The following PLD1 variants were observed in gnomAD, a reference collection of about 807,000 sequenced individuals.
PLD1 encodes the protein phospholipase D1.
Under a neutral mutation model 137.1 loss-of-function variants are expected in PLD1, and 112 were observed. The ratio of observed to expected loss-of-function variants is 0.82; its 90% CI spans 0.70 to 0.96. The LOEUF (loss-of-function observed/expected upper bound fraction) is 0.96, where lower values mean the gene tolerates loss of function less well. PLD1 is among the 40% of genes least tolerant of loss of function. The probability of loss-of-function intolerance (pLI) is 0.00; values close to 1 mark genes in which losing one functional copy is unlikely to be tolerated. For missense variants in PLD1, 1,321 were observed against 1,342.0 expected, an observed-to-expected ratio of 0.98 and a Z score of 0.24; for synonymous variants, 431 against 454.7, an observed-to-expected ratio of 0.95 and a Z score of 0.66.
At chr3:171,684,326 A>G (rs139620923) in intron 16 of PLD1, among the ~76,000 whole-genome samples, 214 of 152,330 alleles carry the variant, frequency 1.4e-3, no homozygotes, top group African/African-American at 5.0e-3. Flanking sequence ...GTAATAAAGC[A>G]GCAAAGTTAC....
At chr3:171,628,249 T>C (rs771494291) in intron 23 of PLD1, among the ~76,000 whole-genome samples, 1 of 152,124 alleles carries the variant, frequency 6.6e-6, no homozygotes, top group Non-Finnish European at 1.5e-5. Flanking sequence ...GCAAATAAAC[T>C]AGAAAATCTA....
intron 1 of PLD1, among the ~76,000 whole-genome samples, chr3:171,807,825 A>G (rs1171607862): frequency 1.3e-5 from 2 of 152,254 alleles, no homozygotes; most frequent in Non-Finnish European, 2.9e-5. Flanking sequence ...GTCAGCCTAG[A>G]TGCCCATCAA....
At chr3:171,634,864 C>T (rs1334881583) in intron 23 of PLD1, among the ~76,000 whole-genome samples, 1 of 152,054 alleles carries the variant, frequency 6.6e-6, no homozygotes, top group East Asian at 1.9e-4. Context: ...ACAACCATCA[C>T]CACCACCTAA....
intron 1 of PLD1, among the ~76,000 whole-genome samples, chr3:171,744,036 A>C (rs1226683713): frequency 6.6e-6 from 1 of 152,234 alleles, no homozygotes; most frequent in African/African-American, 2.4e-5. Flanking sequence ...AAAGCCCCTG[A>C]GAGGCGTGTA....
At chr3:171,693,418 C>T (rs1384054930) in intron 12 of PLD1, among the ~76,000 whole-genome samples, 3 of 152,124 alleles carry the variant, frequency 2.0e-5, no homozygotes, top group Non-Finnish European at 4.4e-5. Context: ...GACAGGCTTT[C>T]AGGCTAGGCT....
At chr3:171,727,518 C>G (rs1718614276) in intron 6 of PLD1, among the ~76,000 whole-genome samples, 1 of 152,172 alleles carries the variant, frequency 6.6e-6, no homozygotes, top group African/African-American at 2.4e-5. Context: ...AGATCAGTTC[C>G]TTAGGCCATG....
chr3:171,614,279 A>C (rs1207233081), intron 24 of PLD1, among the ~76,000 whole-genome samples: 2 of 152,184 alleles, frequency 1.3e-5, no homozygotes, highest in Non-Finnish European at 2.9e-5. Flanking sequence ...TTAGCACCAA[A>C]TCATCCTTTA....
chr3:171,762,260 T>C (rs773356489), intron 1 of PLD1, among the ~76,000 whole-genome samples: 6 of 152,248 alleles, frequency 3.9e-5, no homozygotes, highest in Non-Finnish European at 2.9e-5. Context: ...CATAGGCTTT[T>C]TGGTCATCTT....
chr3:171,703,622 G>A (rs1218726852), intron 11 of PLD1, among the ~76,000 whole-genome samples: 2 of 152,006 alleles, frequency 1.3e-5, no homozygotes, highest in Non-Finnish European at 2.9e-5. Context: ...AATATGTAAA[G>A]ACCTATACAT....
intron 22 of PLD1, among the ~76,000 whole-genome samples, chr3:171,643,528 T>C (rs1435317257): frequency 1.3e-5 from 2 of 152,108 alleles, no homozygotes; most frequent in Non-Finnish European, 2.9e-5. Flanking sequence ...TTAAAGATGA[T>C]GCCAGCAAAT....
chr3:171,728,187 G>A (rs1311305000), intron 6 of PLD1, among the ~76,000 whole-genome samples: 2 of 152,110 alleles, frequency 1.3e-5, no homozygotes, highest in African/African-American at 4.8e-5. Flanking sequence ...GTGCATGCCC[G>A]TAATCCCAGC....
At chr3:171,748,941 C>G (rs987488312) in intron 1 of PLD1, among the ~76,000 whole-genome samples, 1 of 151,148 alleles carries the variant, frequency 6.6e-6, no homozygotes, top group Non-Finnish European at 1.5e-5. Flanking sequence ...TGAATCATGT[C>G]CCCCCTAAGC....
rs553490918 is a variant in PLD1 at position 171,714,016 on chromosome 3, A to G, written c.788T>C (p.Leu263Ser). 4.5e-5 allele frequency: 73 copies of G among 1,607,026 alleles called. 1 individual carries two copies. The South Asian group carries it at 7.3e-4, about 16-fold the overall frequency. Reference protein sequence around the residue: ...RWLIVKDSFLLYMKPDSGAIA... With the variant: ...RWLIVKDSFLSYMKPDSGAIA... Reference sequence around the variant, plus strand: ...GGCACCGCTGTCTGGTTTCATATACAATAAAAAGGAATCTTTCACTATTAA... The same window carrying G: ...GGCACCGCTGTCTGGTTTCATATACGATAAAAAGGAATCTTTCACTATTAA... Residue 263 changes from leucine to serine, a missense_variant, in exon 9 of 27, where the codon TTG becomes TCG. By Grantham distance (145) the Leu-to-Ser change is moderately radical. Transcript: ENST00000351298.
intron 23 of PLD1, among the ~76,000 whole-genome samples, chr3:171,628,030 T>G (rs1270728481): frequency 6.6e-6 from 1 of 150,826 alleles, no homozygotes; most frequent in Non-Finnish European, 1.5e-5. Context: ...CTGAAGGAAA[T>G]AGAGACACAA....
chr3:171,777,817 C>T (rs1722642827), intron 1 of PLD1, among the ~76,000 whole-genome samples: 2 of 152,176 alleles, frequency 1.3e-5, no homozygotes, highest in South Asian at 4.1e-4. Flanking sequence ...AATTGCTCAA[C>T]AACTACAGCA....
intron 16 of PLD1, among the ~76,000 whole-genome samples, chr3:171,684,989 T>A (rs56196944): frequency 0.014 from 2,140 of 152,370 alleles, 49 homozygotes; most frequent in African/African-American, 0.045. Flanking sequence ...TAGTTGATTA[T>A]TGCATTTTTT....
rs761128195 is a variant in PLD1 at position 171,687,496 on chromosome 3, T to C, written c.1628A>G (p.Asp543Gly). ...TATTCCTTTCAGTTTTGAATCCACA[T>C]CATCAATACTCTTCTGGATGGGTAG... ...QNLPIQKSID[D>G]VDSKLKGIGK... Residue 543 changes from aspartate to glycine, a missense_variant, in exon 15 of 27, where the codon GAT becomes GGT. Asp to Gly is a moderately conservative substitution (Grantham distance 94). Transcript: ENST00000351298. The C allele has an allele frequency of 6.2e-7, 1 of 1,613,868 alleles. No homozygotes were observed. The highest frequency in any genetic ancestry group is 8.5e-7 in the Non-Finnish European group (1 of 1,179,746).
chr3:171,764,880 AAAGAAAGAAAGAAAGGAAGG>A (rs1456459235), intron 1 of PLD1, among the ~76,000 whole-genome samples: 294 of 23,256 alleles, frequency 0.013, 22 homozygotes, highest in African/African-American at 0.042. Context: ...AGAAAGAAAG[AAAGAAAGAAAGAAAGGAAGG>A]AAGGAAGGAA....
At chr3:171,764,886 A>AGGAAGGAAG (rs1397521909) in intron 1 of PLD1, among the ~76,000 whole-genome samples, 2 of 26,836 alleles carry the variant, frequency 7.5e-5, no homozygotes, top group African/African-American at 3.2e-4. Context: ...AAAGAAAGAA[A>AGGAAGGAAG]GAAAGAAAGG....
Sources: allele counts gnomAD v4.1 joint callset (sites outside exome capture counted in the v4.1 genomes callset), GRCh38; gene constraint gnomAD v4.1.1; transcripts MANE v1.5; gene names NCBI Gene and HGNC (gene_info 2026-07-23, HGNC 2026-07-21).